KIF26B: variants seen among roughly 807,000 people sequenced by gnomAD.
KIF26B encodes kinesin family member 26B.
KIF26B carries 63 observed loss-of-function variants against 151.2 expected under a neutral mutation model. The ratio of observed to expected loss-of-function variants is 0.42; its 90% CI spans 0.34 to 0.51. The LOEUF (loss-of-function observed/expected upper bound fraction) is 0.51, where lower values mean the gene tolerates loss of function less well. Ranked by LOEUF, KIF26B falls within the 20% of genes least tolerant of loss-of-function variation. The pLI, the probability that KIF26B is intolerant of heterozygous loss-of-function variation, is 0.07. For synonymous variants in KIF26B, 1,357 were observed against 1,262.1 expected (o/e 1.08, Z -1.59); for missense variants, 2,813 against 2,913.6 (o/e 0.97, Z 0.79).
At chr1:245,520,372 T>G (rs1661064880) in intron 4 of KIF26B, among the ~76,000 whole-genome samples, 1 of 152,164 alleles carries the variant, frequency 6.6e-6, no homozygotes, top group Admixed American at 6.6e-5. Context: ...CTAATGATAA[T>G]GTGGAACAAT....
In KIF26B at chr1:245,367,505, T is replaced by C; in HGVS notation, c.999+138T>C. 1.1e-6 allele frequency: 1 copy of C among 877,032 alleles called. No homozygotes were observed. Among genetic ancestry groups the C allele is most frequent in the Non-Finnish European group, 1.7e-6 (1 of 588,792 alleles). The allele number at this position is 877,032 out of a possible 1,614,324, so 54.3% of individuals were successfully genotyped here. A position where few individuals can be genotyped will look rare whatever the true frequency, so the allele number is the denominator to read the frequency against. On this transcript the variant is annotated intron_variant, in intron 3 of 14. Transcript: ENST00000407071. This position sits in a 1 kb window ranked among gnomAD's most constrained non-coding sequence, Gnocchi z 4.2. ...GTGTTTCCATGTGGCCCCCACAGAG[T>C]TCTCATCAAGGTGCCCCACCCGGGC...
intron 3 of KIF26B, among the ~76,000 whole-genome samples, chr1:245,411,273 C>T (rs1390998329): frequency 6.6e-6 from 1 of 152,156 alleles, no homozygotes; most frequent in African/African-American, 2.4e-5. Context: ...AAGAGACAAG[C>T]AGGGTGAGAG....
intron 4 of KIF26B, among the ~76,000 whole-genome samples, chr1:245,493,508 A>G (rs1229879583): frequency 2.6e-5 from 4 of 152,264 alleles, no homozygotes; most frequent in Admixed American, 6.5e-5. Context: ...TAATAGAGAT[A>G]GCCAAGGCAG....
chr1:245,243,097 A>G (rs1670241296), intron 2 of KIF26B, among the ~76,000 whole-genome samples: 1 of 152,194 alleles, frequency 6.6e-6, no homozygotes, highest in Admixed American at 6.5e-5. Context: ...GAGGAGGTAA[A>G]CTGTCAAGTC....
At chr1:245,678,878 A>AG (rs1221631760) in intron 10 of KIF26B, among the ~76,000 whole-genome samples, 4 of 151,964 alleles carry the variant, frequency 2.6e-5, no homozygotes. Flanking sequence ...AGAAAAAAAA[A>AG]AAAGCAAGAC....
At chr1:245,438,782 G>T (rs1015186544) in intron 4 of KIF26B, among the ~76,000 whole-genome samples, 4 of 152,188 alleles carry the variant, frequency 2.6e-5, no homozygotes, top group Non-Finnish European at 5.9e-5. Flanking sequence ...ACGGAAACCA[G>T]ATCCCACCTC....
chr1:245,603,945 G>A (rs1353539887), intron 6 of KIF26B, among the ~76,000 whole-genome samples: 1 of 152,174 alleles, frequency 6.6e-6, no homozygotes, highest in Non-Finnish European at 1.5e-5. Flanking sequence ...GCCATGGGCA[G>A]CCAATGAACT....
chr1:245,574,926 G>A (rs759526892), intron 5 of KIF26B, among the ~76,000 whole-genome samples: 8 of 145,728 alleles, frequency 5.5e-5, no homozygotes, highest in Non-Finnish European at 1.0e-4. Context: ...CGCCAGTGGC[G>A]CGATCTCGGC....
Position 245,367,299 on chromosome 1 carries a change from G to A in KIF26B, c.931G>A (p.Ala311Thr). 1 of 1,596,758 alleles carries A rather than the reference G, an allele frequency of 6.3e-7. No individual in the cohort carries two copies. Among genetic ancestry groups the A allele is most frequent in the Non-Finnish European group, 8.5e-7 (1 of 1,171,862 alleles). Reference sequence around the variant, plus strand: ...CATCCTCAATTCGGTGGCCATCCAGGCTCACCAGTACCTGGATGGCACCTG... The same window carrying A: ...CATCCTCAATTCGGTGGCCATCCAGACTCACCAGTACCTGGATGGCACCTG... The part of the protein sequence containing the change: ...GNILNSVAIQ[A>T]HQYLDGTWSL... Residue 311 changes from alanine (A) to threonine (T), a missense_variant, in exon 3 of 15, where the codon GCT becomes ACT. Physicochemically the swap from Ala to Thr is moderately conservative, Grantham distance 58. Coordinates refer to ENST00000407071, the MANE Select transcript of KIF26B (RefSeq NM_018012.4). The surrounding 1 kb of genome is among the most constrained non-coding windows in gnomAD (Gnocchi z 4.2).
chr1:245,282,449 C>T (rs2102968862), intron 2 of KIF26B, among the ~76,000 whole-genome samples: 1 of 152,322 alleles, frequency 6.6e-6, no homozygotes, highest in South Asian at 2.1e-4. Flanking sequence ...AAACTGGGTC[C>T]ACCCAAACAT....
intron 2 of KIF26B, among the ~76,000 whole-genome samples, chr1:245,290,175 TTGAATGAA>T (rs66484653): frequency 0.032 from 1,375 of 43,476 alleles, 19 homozygotes; most frequent in African/African-American, 0.08. Flanking sequence ...CAAACCTTTA[TTGAATGAA>T]TGAATGAATG....
At position 245,688,308 on chromosome 1, in the gene KIF26B, C is replaced by A; in HGVS notation, c.5325C>A (p.Pro1775=). The change falls in exon 12 of 15, where the codon CCC becomes CCA. Residue 1775 remains proline, a synonymous_variant. Coordinates refer to ENST00000407071, the MANE Select transcript of KIF26B (RefSeq NM_018012.4). ...TGGGCCAGGGCTCCAGCTCGCCCCC[C>A]GGTGGGAAGCACACGCCCTGGTCCA... The part of the protein sequence containing the change: ...QAVGQGSSSP[P]GGKHTPWSTQ... 1 of 1,595,378 alleles carries A rather than the reference C, an allele frequency of 6.3e-7. No individual in the cohort carries two copies. Among genetic ancestry groups the A allele is most frequent in the Non-Finnish European group, 8.5e-7 (1 of 1,178,048 alleles).
At chr1:245,668,956 T>C (rs2044250479) in intron 10 of KIF26B, among the ~76,000 whole-genome samples, 2 of 152,120 alleles carry the variant, frequency 1.3e-5, no homozygotes, top group South Asian at 4.2e-4. Context: ...TCACCCAAAG[T>C]GCTGGGATTA....
intron 2 of KIF26B, among the ~76,000 whole-genome samples, chr1:245,338,693 C>T (rs1163668653): frequency 2.0e-5 from 3 of 152,198 alleles, no homozygotes; most frequent in Admixed American, 6.5e-5. Flanking sequence ...CTTCAGTCAG[C>T]TGATGGCATG....
At chr1:245,353,004 C>T (rs376304763) in intron 2 of KIF26B, among the ~76,000 whole-genome samples, 11 of 152,070 alleles carry the variant, frequency 7.2e-5, no homozygotes, top group East Asian at 1.9e-4. Context: ...TAGTGGCTAT[C>T]GTTTTAAGTT....
chr1:245,233,118 A>T (rs189703111), intron 2 of KIF26B, among the ~76,000 whole-genome samples: 15 of 152,350 alleles, frequency 9.8e-5, no homozygotes, highest in Admixed American at 5.9e-4. Context: ...GCAAGCGTTC[A>T]TTAGTCACTG....
chr1:245,455,414 G>C (rs1406323061), intron 4 of KIF26B, among the ~76,000 whole-genome samples: 1 of 152,128 alleles, frequency 6.6e-6, no homozygotes, highest in East Asian at 1.9e-4. Context: ...TGAGGCAGGA[G>C]AGTCGCTTGA....
chr1:245,253,976 A>ATTT (rs546030922), intron 2 of KIF26B, among the ~76,000 whole-genome samples: 1 of 151,230 alleles, frequency 6.6e-6, no homozygotes, highest in Non-Finnish European at 1.5e-5. Context: ...CGCCCGGCTG[A>ATTT]TTTTTTTGTA....
intron 2 of KIF26B, among the ~76,000 whole-genome samples, chr1:245,330,991 T>C (rs929208323): frequency 6.6e-6 from 1 of 151,914 alleles, no homozygotes; most frequent in Non-Finnish European, 1.5e-5. Context: ...TTAGAGATTC[T>C]GGAGAGGCCG....
Sources: allele counts gnomAD v4.1 joint callset (sites outside exome capture counted in the v4.1 genomes callset), GRCh38; gene constraint gnomAD v4.1.1; non-coding constraint Gnocchi (gnomAD v3.1); transcripts MANE v1.5; gene names NCBI Gene and HGNC (gene_info 2026-07-23, HGNC 2026-07-21).